The following PACRG variants were observed in gnomAD, a reference collection of about 807,000 sequenced individuals.
PACRG encodes the protein parkin coregulated.
PACRG carries 29 observed loss-of-function variants against 29.7 expected under a neutral mutation model. That is an observed-to-expected ratio of 0.98 (90% CI 0.73 to 1.33). The LOEUF (loss-of-function observed/expected upper bound fraction) is 1.33. PACRG is among the 40% of genes most tolerant of loss of function. The pLI, the probability that PACRG is intolerant of heterozygous loss-of-function variation, is 0.00. For missense variants in PACRG, 279 were observed against 316.2 expected (o/e 0.88, Z 0.89); for synonymous variants, 116 against 118.7 (o/e 0.98, Z 0.15).
In PACRG at chr6:163,111,715, T is replaced by C. The variant is rs185256392; in HGVS notation, c.613+22307T>C. On this transcript the variant is annotated intron_variant, in intron 4 of 4. Coordinates refer to ENST00000366888, the MANE Select transcript of PACRG (RefSeq NM_001080379.2). The stretch of plus-strand genomic sequence containing the variant: ...TCTGTATTCTTCAGTGTAATACCTG[T>C]GTTTCTGTGAAATAATCTGTGAGAT... 2.3e-3 allele frequency among the ~76,000 whole-genome samples: 351 copies of C among 152,348 alleles called. 4 individuals carry two copies. The highest frequency in any genetic ancestry group is 8.0e-3 in the African/African-American group (332 of 41,580).
intron 4 of PACRG, among the ~76,000 whole-genome samples, chr6:163,292,464 C>A (rs191854173): frequency 1.6e-4 from 25 of 152,294 alleles, no homozygotes; most frequent in African/African-American, 5.5e-4. Context: ...TGCAATGGCA[C>A]GATCTCGGCT....
chr6:163,169,681 T>C (rs79986706), intron 4 of PACRG, among the ~76,000 whole-genome samples: 3,843 of 152,280 alleles, frequency 0.025, 159 homozygotes, highest in African/African-American at 0.088. Context: ...GCAAAGGCCA[T>C]GTCTAGAATG....
intron 4 of PACRG, among the ~76,000 whole-genome samples, chr6:163,200,705 A>G (rs1358021957): frequency 1.3e-5 from 2 of 152,190 alleles, no homozygotes; most frequent in African/African-American, 2.4e-5. Flanking sequence ...AAGAAATACT[A>G]AAAACCCTCA....
intron 1 of PACRG, among the ~76,000 whole-genome samples, chr6:162,737,394 G>A (rs899630450): frequency 2.4e-4 from 36 of 152,246 alleles, no homozygotes; most frequent in African/African-American, 7.9e-4. Flanking sequence ...TTAATTAGGG[G>A]TTGAGAACAT....
chr6:163,247,928 A>G (rs1782753637), intron 4 of PACRG, among the ~76,000 whole-genome samples: 1 of 152,200 alleles, frequency 6.6e-6, no homozygotes, highest in Non-Finnish European at 1.5e-5. Context: ...CCTTTGAAAG[A>G]TACACTTCTG....
chr6:162,814,395 G>A (rs1787148940), intron 2 of PACRG, 114 bp downstream of exon 2: 4 of 1,344,950 alleles, frequency 3.0e-6, no homozygotes, highest in Admixed American at 4.4e-5. Context: ...TCAGCACATG[G>A]AAGATGGTGG....
chr6:162,793,004 C>T (rs559771619), intron 1 of PACRG, among the ~76,000 whole-genome samples: 2 of 152,262 alleles, frequency 1.3e-5, no homozygotes, highest in Admixed American at 6.5e-5. Flanking sequence ...TAGGCTGGGG[C>T]TCAGCTGGAC....
upstream of PACRG, chr6:162,727,717 C>T (rs774538391): frequency 3.8e-5 from 59 of 1,547,504 alleles, no homozygotes; most frequent in African/African-American, 5.5e-5. Flanking sequence ...CCCATGCGCG[C>T]AGCGGCGCCA....
At chr6:162,824,903 T>C (rs934531381) in intron 2 of PACRG, among the ~76,000 whole-genome samples, 2 of 152,220 alleles carry the variant, frequency 1.3e-5, no homozygotes, top group South Asian at 4.1e-4. Flanking sequence ...TAATCCTTTA[T>C]GCAGTATGTG....
chr6:163,103,251 G>A (rs559287639), intron 4 of PACRG, among the ~76,000 whole-genome samples: 1 of 152,200 alleles, frequency 6.6e-6, no homozygotes, highest in Non-Finnish European at 1.5e-5. Flanking sequence ...ATAGAAATCA[G>A]TTCTAATGGT....
intron 4 of PACRG, among the ~76,000 whole-genome samples, chr6:163,257,112 G>A (rs185872258): frequency 6.6e-6 from 1 of 152,200 alleles, no homozygotes; most frequent in Admixed American, 6.5e-5. Flanking sequence ...ACTAAATCTA[G>A]GATGTTCTTA....
At chr6:163,079,890 CTTTTT>C (rs67162530) in intron 3 of PACRG, among the ~76,000 whole-genome samples, 8 of 78,694 alleles carry the variant, frequency 1.0e-4, no homozygotes, top group African/African-American at 4.3e-4. Context: ...AGCAGTCATT[CTTTTT>C]TTTTTTTTTT....
intron 4 of PACRG, among the ~76,000 whole-genome samples, chr6:163,275,728 A>T (rs1477937046): frequency 6.6e-6 from 1 of 152,122 alleles, no homozygotes; most frequent in African/African-American, 2.4e-5. Context: ...TTATATTTAA[A>T]ATTCAGTAAC....
intron 2 of PACRG, among the ~76,000 whole-genome samples, chr6:162,996,965 G>C (rs1013850968): frequency 3.3e-5 from 5 of 152,092 alleles, no homozygotes; most frequent in African/African-American, 1.2e-4. Context: ...ACATTATGTT[G>C]TCTCTCTTAA....
At chr6:162,796,985 CTATT>C (rs754694275) in intron 1 of PACRG, among the ~76,000 whole-genome samples, 12 of 152,184 alleles carry the variant, frequency 7.9e-5, no homozygotes, top group Non-Finnish European at 1.2e-4. Context: ...ATTTCAAAAA[CTATT>C]TATCTGGCTG....
intron 4 of PACRG, among the ~76,000 whole-genome samples, chr6:163,099,836 T>A (rs1016539881): frequency 6.6e-6 from 1 of 152,142 alleles, no homozygotes; most frequent in Non-Finnish European, 1.5e-5. Flanking sequence ...GGGTGGGTAG[T>A]GAGGGTGAGT....
intron 2 of PACRG, chr6:163,016,182 A>T (rs1242557257): frequency 6.6e-6 from 1 of 152,238 alleles, no homozygotes; most frequent in Non-Finnish European, 1.5e-5. Flanking sequence ...TTCAAGGGGC[A>T]CAGTCGTCTT....
At chr6:163,192,730 A>C (rs1256278394) in intron 4 of PACRG, among the ~76,000 whole-genome samples, 2 of 152,184 alleles carry the variant, frequency 1.3e-5, no homozygotes, top group Non-Finnish European at 2.9e-5. Flanking sequence ...AGACTTGATG[A>C]GAGAACATTT....
upstream of PACRG, chr6:162,727,596 G>C (rs1779340724): frequency 6.6e-7 from 1 of 1,512,438 alleles, no homozygotes; most frequent in Non-Finnish European, 9.0e-7. Flanking sequence ...GGCCGAGGCG[G>C]GGCGTGGCGC....
Sources: allele counts gnomAD v4.1 joint callset (sites outside exome capture counted in the v4.1 genomes callset), GRCh38; gene constraint gnomAD v4.1.1; transcripts MANE v1.5; gene names NCBI Gene and HGNC (gene_info 2026-07-23, HGNC 2026-07-21).